Variants in LHPP observed in about 807,000 individuals in gnomAD.
LHPP encodes hLHPP.
A neutral mutation model predicts 30.3 loss-of-function variants in LHPP; 24 were observed. That is an observed-to-expected ratio of 0.79 (90% CI 0.57 to 1.11). The LOEUF (loss-of-function observed/expected upper bound fraction) is 1.11, where lower values mean the gene tolerates loss of function less well. LHPP is among the 50% of genes most tolerant of loss of function. The pLI is 0.00. For missense variants in LHPP, 356 were observed against 367.2 expected, an observed-to-expected ratio of 0.97 and a Z score of 0.25; for synonymous variants, 150 against 157.1, an observed-to-expected ratio of 0.95 and a Z score of 0.34.
At chr10:124,561,440 A>G (rs571282072) in intron 6 of LHPP, among the ~76,000 whole-genome samples, 2 of 152,142 alleles carry the variant, frequency 1.3e-5, no homozygotes, top group South Asian at 2.1e-4. Context: ...CAGTGGTGAC[A>G]AGACATCCCT....
rs1308690198 is a variant in LHPP, at chr10:124,596,466, A to G, written c.717-16798A>G. 6.6e-6 allele frequency among the ~76,000 whole-genome samples: 1 copy of G among 152,088 alleles called. No individual in the cohort carries two copies. Among genetic ancestry groups the G allele is most frequent in the Non-Finnish European group, 1.5e-5 (1 of 68,010 alleles). On this transcript the variant is annotated intron_variant, in intron 6 of 6. Coordinates refer to ENST00000368842, the MANE Select transcript of LHPP (RefSeq NM_022126.4). This position sits in a 1 kb window ranked among gnomAD's most constrained non-coding sequence, Gnocchi z 4.6. ...ATTCAGGTGGACGTGGAGCGGTGTC[A>G]TTTCCTTCCTGAGGGGCCTGCATGA...
intron 5 of LHPP, among the ~76,000 whole-genome samples, chr10:124,501,669 GA>G (rs1297597785): frequency 6.6e-6 from 1 of 150,986 alleles, no homozygotes; most frequent in African/African-American, 2.5e-5. Flanking sequence ...ACGACGTTCT[GA>G]ATGTGCTCGA....
At chr10:124,555,845 G>A (rs542912376) in intron 6 of LHPP, among the ~76,000 whole-genome samples, 24 of 152,102 alleles carry the variant, frequency 1.6e-4, no homozygotes, top group East Asian at 9.7e-4. Flanking sequence ...GTTCTGCCCC[G>A]AGCTGTTTGT....
At chr10:124,488,286 G>A in intron 2 of LHPP, 136 bp from the exon 3 acceptor site, 3 of 775,998 alleles carry the variant, frequency 3.9e-6, no homozygotes, top group Non-Finnish European at 6.4e-6. Flanking sequence ...TACCTCCCAT[G>A]GCAGCTGTGA....
At chr10:124,518,479 A>G (rs999557021) in intron 6 of LHPP, among the ~76,000 whole-genome samples, 1 of 152,200 alleles carries the variant, frequency 6.6e-6, no homozygotes, top group African/African-American at 2.4e-5. Flanking sequence ...GGGGCCCTAT[A>G]GTTGATGCCG....
At chr10:124,578,869 G>C (rs1185905040) in intron 6 of LHPP, among the ~76,000 whole-genome samples, 1 of 152,204 alleles carries the variant, frequency 6.6e-6, no homozygotes, top group Non-Finnish European at 1.5e-5. Context: ...CCTGAGTGCT[G>C]CTTTAGCTTT....
chr10:124,489,325 C>T (rs1355416897), intron 3 of LHPP, among the ~76,000 whole-genome samples: 1 of 152,184 alleles, frequency 6.6e-6, no homozygotes, highest in Non-Finnish European at 1.5e-5. Flanking sequence ...ATGTTCACAG[C>T]ATCGATGTCA....
chr10:124,536,671 G>A lies in LHPP; in HGVS notation c.716+19400G>A, dbSNP rs533183316. 1.3e-3 allele frequency among the ~76,000 whole-genome samples: 200 copies of A among 152,332 alleles called. 1 individual carries two copies. The highest frequency in any genetic ancestry group is 2.0e-3 in the Non-Finnish European group (134 of 68,020). On this transcript the variant is annotated intron_variant, in intron 6 of 6. Transcript: ENST00000368842. ...GGGCAGGGCTGCAAGGTTAGAGTGAGGGGAGGGGTACCTGGTGCCATTTTG... is the reference window on the plus strand; with the variant it reads ...GGGCAGGGCTGCAAGGTTAGAGTGAAGGGAGGGGTACCTGGTGCCATTTTG...
intron 6 of LHPP, among the ~76,000 whole-genome samples, chr10:124,560,199 A>G (rs1289721611): frequency 6.6e-6 from 1 of 152,224 alleles, no homozygotes; most frequent in Non-Finnish European, 1.5e-5. Context: ...TTTGTTTTTA[A>G]TTTTATAAAT....
At position 124,604,436 on chromosome 10, in the gene LHPP, G is replaced by A. The variant is rs111456542; in HGVS notation, c.717-8828G>A. ...ACAGCAGGGAACCCCATGGGCACAG[G>A]CCTAGTGTGTGTGATGTACCGGTGC... On this transcript the variant is annotated intron_variant, in intron 6 of 6. Transcript: ENST00000368842. Among the ~76,000 whole-genome samples the A allele has an allele frequency of 3.3e-5, 5 of 152,326 alleles. 1 individual carries two copies. Among genetic ancestry groups the A allele is most frequent in the African/African-American group, 1.2e-4 (5 of 41,580 alleles).
rs557371894 is a variant in LHPP, at chr10:124,593,191, G to A, written c.717-20073G>A. Reference sequence around the variant, plus strand: ...TGCCCCCTGCCCTGGTCCCTGGATTGCAAGTCCAGACAGAAGAGAGCGTCC... The same window carrying A: ...TGCCCCCTGCCCTGGTCCCTGGATTACAAGTCCAGACAGAAGAGAGCGTCC... On this transcript the variant is annotated intron_variant, in intron 6 of 6. Coordinates refer to ENST00000368842, the MANE Select transcript of LHPP (RefSeq NM_022126.4). The surrounding 1 kb of genome is among the most constrained non-coding windows in gnomAD (Gnocchi z 4.9). 6.6e-6 allele frequency among the ~76,000 whole-genome samples: 1 copy of A among 151,108 alleles called. No homozygotes were observed. The highest frequency in any genetic ancestry group is 1.5e-5 in the Non-Finnish European group (1 of 67,636).
At chr10:124,561,735 G>C (rs563429792) in intron 6 of LHPP, among the ~76,000 whole-genome samples, 2 of 151,892 alleles carry the variant, frequency 1.3e-5, no homozygotes, top group East Asian at 3.9e-4. Flanking sequence ...CCCTGCCTGA[G>C]TTGTGTCCAG....
chr10:124,476,901 G>T (rs1226678186), intron 1 of LHPP, among the ~76,000 whole-genome samples: 2 of 152,124 alleles, frequency 1.3e-5, no homozygotes, highest in Non-Finnish European at 2.9e-5. Flanking sequence ...CTGCCCAGAG[G>T]CCCCGTTATT....
intron 6 of LHPP, among the ~76,000 whole-genome samples, chr10:124,543,350 G>T (rs1955250404): frequency 6.6e-6 from 1 of 152,256 alleles, no homozygotes; most frequent in Non-Finnish European, 1.5e-5. Flanking sequence ...CCAGGTGCGG[G>T]GTCTGCCCGC....
chr10:124,565,363 G>A (rs1409111029), intron 6 of LHPP, among the ~76,000 whole-genome samples: 2 of 152,178 alleles, frequency 1.3e-5, no homozygotes, highest in Non-Finnish European at 2.9e-5. Context: ...GAGAAATACA[G>A]ACAGGTGTCT....
intron 6 of LHPP, among the ~76,000 whole-genome samples, chr10:124,599,829 G>A (rs1564847751): frequency 6.6e-6 from 1 of 152,230 alleles, no homozygotes; most frequent in African/African-American, 2.4e-5. Context: ...CACTCTGGGG[G>A]TGCTCGTCCC....
At chr10:124,609,825 C>T (rs1949144780) in intron 6 of LHPP, among the ~76,000 whole-genome samples, 1 of 152,234 alleles carries the variant, frequency 6.6e-6, no homozygotes, top group Non-Finnish European at 1.5e-5. Flanking sequence ...CAGGAACTCA[C>T]CCCAGATTGA....
chr10:124,499,707 G>A (rs1050817700), intron 5 of LHPP, among the ~76,000 whole-genome samples: 3 of 151,916 alleles, frequency 2.0e-5, no homozygotes, highest in African/African-American at 7.3e-5. Flanking sequence ...CTGTCCTGCT[G>A]CCTCCTCAGA....
chr10:124,553,713 C>T (rs1948229171), intron 6 of LHPP, among the ~76,000 whole-genome samples: 1 of 152,204 alleles, frequency 6.6e-6, no homozygotes, highest in Non-Finnish European at 1.5e-5. Flanking sequence ...CCCGCCTCGG[C>T]CTCCCAAAGT....
Sources: gnomAD v4.1 joint callset for allele counts (sites outside exome capture counted in the v4.1 genomes callset) on GRCh38, gnomAD v4.1.1 for gene constraint, Gnocchi (gnomAD v3.1) non-coding constraint, MANE v1.5 for transcripts, NCBI Gene and HGNC (gene_info 2026-07-23, HGNC 2026-07-21) for gene names.